FRMPD3: variants seen among roughly 807,000 people sequenced by gnomAD.
FRMPD3 encodes the protein FERM and PDZ domain-containing protein 3.
A neutral mutation model predicts 97.9 loss-of-function variants in FRMPD3; 42 were observed. That is an observed-to-expected ratio of 0.43 (90% CI 0.34 to 0.55). The LOEUF (loss-of-function observed/expected upper bound fraction) is 0.55. FRMPD3 is among the 20% of genes least tolerant of loss of function. FRMPD3 has a pLI of 0.03. For missense variants in FRMPD3, 1,303 were observed against 1,457.7 expected (o/e 0.89, Z 1.73); for synonymous variants, 577 against 581.1 (o/e 0.99, Z 0.10).
chrX:107,508,635 A>G (rs1922090702), intron 1 of FRMPD3, among the ~76,000 whole-genome samples: 1 of 110,962 alleles, frequency 9.0e-6, no homozygotes. Context: ...TGTGCATGAG[A>G]CAGAGATTTG....
At chrX:107,568,337 T>C (rs1411845186) in intron 12 of FRMPD3, among the ~76,000 whole-genome samples, 1 of 102,724 alleles carries the variant, frequency 9.7e-6, no homozygotes, top group Non-Finnish European at 2.0e-5. Context: ...TAACTCGTCA[T>C]TTAGCATTAG....
intron 4 of FRMPD3, among the ~76,000 whole-genome samples, chrX:107,542,977 G>A (rs1164397408): frequency 1.8e-5 from 2 of 111,777 alleles, no homozygotes; most frequent in East Asian, 5.6e-4. Flanking sequence ...TATCCAATCA[G>A]TCAACATATC....
At chrX:107,494,371 A>G (rs1274233991) in intron 1 of FRMPD3, among the ~76,000 whole-genome samples, 8 of 111,678 alleles carry the variant, frequency 7.2e-5, no homozygotes, top group African/African-American at 2.6e-4. Flanking sequence ...CCACCTAGAA[A>G]AGGCAACCAT....
chrX:107,576,292 G>A (rs970963813), intron 12 of FRMPD3, 23 bp from the exon 13 acceptor site: 1 of 1,204,697 alleles, frequency 8.3e-7, no homozygotes, highest in Non-Finnish European at 1.1e-6. Flanking sequence ...ATGTCTTCAT[G>A]TTTCTTCCCT....
chrX:107,560,600 T>C, intron 9 of FRMPD3, 127 bp from the exon 10 acceptor site: 5 of 911,593 alleles, frequency 5.5e-6, no homozygotes, highest in Non-Finnish European at 7.5e-6. Flanking sequence ...TCCCTGTCCC[T>C]TTTTCTTTCT....
intron 13 of FRMPD3, among the ~76,000 whole-genome samples, chrX:107,577,355 G>A (rs1411060598): frequency 9.4e-6 from 1 of 106,090 alleles, no homozygotes; most frequent in African/African-American, 3.4e-5. Flanking sequence ...GTGGTGGTGT[G>A]GACCTATAGT....
At position 107,581,508 on chromosome X, in the gene FRMPD3, A is replaced by C. The variant is rs1923389992; in HGVS notation, c.1441+5049A>C. The stretch of plus-strand genomic sequence containing the variant: ...TGTTTAGATATAATTTTGAAGCCAT[A>C]AAATTCACCCATTTGAAGTGCACAA... On this transcript the variant is annotated intron_variant, in intron 13 of 14. Transcript: ENST00000683843. 2.7e-5 allele frequency among the ~76,000 whole-genome samples: 3 copies of C among 111,333 alleles called. No homozygotes were observed. In the Admixed American group the frequency reaches 2.9e-4, roughly 11 times the overall value.
At chrX:107,538,934 C>T (rs1921152214) in intron 4 of FRMPD3, among the ~76,000 whole-genome samples, 1 of 112,662 alleles carries the variant, frequency 8.9e-6, no homozygotes, top group Non-Finnish European at 1.9e-5. Context: ...ACTGGGATTA[C>T]AGGCGTGAGC....
At chrX:107,514,909 G>A (rs1158154821) in intron 1 of FRMPD3, among the ~76,000 whole-genome samples, 1 of 111,259 alleles carries the variant, frequency 9.0e-6, no homozygotes, top group Non-Finnish European at 1.9e-5. Context: ...GGGAGAGACA[G>A]GCCTCAAGAA....
chrX:107,520,890 G>A (rs1922486298), intron 1 of FRMPD3, among the ~76,000 whole-genome samples: 1 of 112,119 alleles, frequency 8.9e-6, no homozygotes, highest in Non-Finnish European at 1.9e-5. Context: ...TGAAAATGGG[G>A]TGACATAATT....
chrX:107,524,414 C>T (rs1428616235), intron 1 of FRMPD3, among the ~76,000 whole-genome samples: 2 of 112,239 alleles, frequency 1.8e-5, no homozygotes, highest in African/African-American at 6.5e-5. Flanking sequence ...CTTCCAGAGA[C>T]TTGACCTCAT....
intron 11 of FRMPD3, among the ~76,000 whole-genome samples, chrX:107,564,090 G>A (rs956826370): frequency 2.7e-5 from 3 of 111,933 alleles, no homozygotes; most frequent in African/African-American, 6.5e-5. Flanking sequence ...CTAATACCAG[G>A]GAATGGGCCT....
intron 5 of FRMPD3, among the ~76,000 whole-genome samples, chrX:107,549,601 C>T (rs998618649): frequency 2.7e-5 from 3 of 111,426 alleles, no homozygotes; most frequent in African/African-American, 6.5e-5. Flanking sequence ...CTTGACAGGA[C>T]GTGATCTTGG....
chrX:107,575,455 C>G (rs1476237846), intron 12 of FRMPD3, among the ~76,000 whole-genome samples: 1 of 101,425 alleles, frequency 9.9e-6, no homozygotes, highest in Non-Finnish European at 2.0e-5. Context: ...GAGCATGACT[C>G]TTTTTTTTTT....
intron 3 of FRMPD3, among the ~76,000 whole-genome samples, chrX:107,533,221 A>G (rs138282118): frequency 1.8e-5 from 2 of 112,137 alleles, no homozygotes; most frequent in Admixed American, 1.9e-4. Flanking sequence ...GGAGATTTCT[A>G]CAGAGAGTAT....
chrX:107,512,014 A>G (rs1265702982), intron 1 of FRMPD3, among the ~76,000 whole-genome samples: 1 of 105,994 alleles, frequency 9.4e-6, no homozygotes, highest in Non-Finnish European at 1.9e-5. Context: ...TCCACTTCCT[A>G]CTTTCTTTTT....
Position 107,490,544 on chromosome X carries a change from G to A in FRMPD3, c.-7-36038G>A, listed in dbSNP as rs1329456509. ...GTGGTTTGTAGTTCTCCTTGAAGAGGTCCTTCACATCCCTTGTAAGTTGGA... is the reference window on the plus strand; with the variant it reads ...GTGGTTTGTAGTTCTCCTTGAAGAGATCCTTCACATCCCTTGTAAGTTGGA... On this transcript the variant is annotated intron_variant, in intron 1 of 14. Transcript: ENST00000683843. Among the ~76,000 whole-genome samples the A allele has an allele frequency of 4.7e-5, 5 of 107,278 alleles. No homozygotes were observed. In the South Asian group the frequency reaches 1.2e-3, roughly 26 times the overall value. 93.2% of individuals were successfully genotyped at this position (107,278 alleles called of 115,157 possible).
intron 1 of FRMPD3, among the ~76,000 whole-genome samples, chrX:107,499,100 A>C (rs1194822091): frequency 9.0e-6 from 1 of 111,207 alleles, no homozygotes; most frequent in Non-Finnish European, 1.9e-5. Context: ...CCCACTAAAA[A>C]AAAAAAGAAA....
In FRMPD3 at chrX:107,550,111, T is replaced by C; in HGVS notation, c.465T>C (p.Asn155=). 1 of 1,205,669 alleles carries C rather than the reference T, an allele frequency of 8.3e-7. No individual in the cohort carries two copies. The highest frequency in any genetic ancestry group is 1.1e-6 in the Non-Finnish European group (1 of 891,483). Residue 155 remains asparagine, a synonymous_variant, in exon 6 of 15, where the codon AAT becomes AAC. Transcript: ENST00000683843. ...IPNVLKVFLE[N]GQIKSFTFDG... is the part of the protein sequence containing the mutation. ...ATGTCCTGAAGGTTTTCTTAGAAAA[T>C]GGGCAGATCAAGTCATTCACATTTG...
Sources: gnomAD v4.1 joint callset for allele counts (sites outside exome capture counted in the v4.1 genomes callset) on GRCh38, gnomAD v4.1.1 for gene constraint, MANE v1.5 for transcripts, NCBI Gene and HGNC (gene_info 2026-07-23, HGNC 2026-07-21) for gene names.